The following THSD7B variants were observed in gnomAD, a reference collection of about 807,000 sequenced individuals.
The protein encoded by THSD7B is thrombospondin type 1 domain containing 7B.
THSD7B carries 138 observed loss-of-function variants against 213.6 expected under a neutral mutation model. The ratio of observed to expected loss-of-function variants is 0.65; its 90% CI spans 0.56 to 0.74. The LOEUF is 0.74. Ranked by LOEUF, THSD7B falls within the 30% of genes least tolerant of loss-of-function variation. The probability of loss-of-function intolerance (pLI) is 0.00; values close to 1 mark genes in which losing one functional copy is unlikely to be tolerated. For missense variants in THSD7B, 1,931 were observed against 1,991.5 expected (o/e 0.97, Z 0.58); for synonymous variants, 742 against 687.0 (o/e 1.08, Z -1.25).
chr2:137,148,347 A>G (rs1679748010), intron 5 of THSD7B, among the ~76,000 whole-genome samples: 2 of 152,138 alleles, frequency 1.3e-5, no homozygotes, highest in South Asian at 2.1e-4. Flanking sequence ...GTATTTCTTC[A>G]TAGCAGCATG....
chr2:137,089,278 A>ATATACATATATATGTGTGTGTATG lies in THSD7B; in HGVS notation c.951-5594_951-5593insATACATATATATGTGTGTGTATGT, dbSNP rs1558916485. Among the ~76,000 whole-genome samples, 564 of 147,100 alleles carry ATATACATATATATGTGTGTGTATG rather than the reference A, an allele frequency of 3.8e-3. 8 individuals are homozygous for ATATACATATATATGTGTGTGTATG. Among genetic ancestry groups the ATATACATATATATGTGTGTGTATG allele is most frequent in the African/African-American group, 0.013 (528 of 39,300 alleles). ...TGTGTGTGTGTGTGTGTGTGTGTAT[A>ATATACATATATATGTGTGTGTATG]TGTATATATACATATATATGTGTGT... On this transcript the variant is annotated intron_variant, in intron 3 of 27. Transcript: ENST00000409968.
At chr2:137,146,696 A>T (rs1453002294) in intron 5 of THSD7B, among the ~76,000 whole-genome samples, 2 of 152,174 alleles carry the variant, frequency 1.3e-5, no homozygotes, top group East Asian at 3.9e-4. Flanking sequence ...CTTATTATAC[A>T]TAAAGCACAA....
intron 2 of THSD7B, among the ~76,000 whole-genome samples, chr2:137,045,048 T>C (rs1054457543): frequency 6.6e-6 from 1 of 152,216 alleles, no homozygotes; most frequent in Non-Finnish European, 1.5e-5. Flanking sequence ...TCAGTACTTA[T>C]GTACTGTGGC....
chr2:137,662,062 CTTTTTT>C (rs778872364), intron 25 of THSD7B, among the ~76,000 whole-genome samples: 1 of 132,658 alleles, frequency 7.5e-6, no homozygotes, highest in Admixed American at 7.9e-5. Context: ...TTTCTTTTTT[CTTTTTT>C]TTTTTTTTTT....
chr2:136,850,288 G>T (rs887141138), intron 1 of THSD7B, among the ~76,000 whole-genome samples: 1 of 110,522 alleles, frequency 9.0e-6, no homozygotes, highest in Non-Finnish European at 1.8e-5. Flanking sequence ...TTTTCTGAAT[G>T]GTTTTTTAGG....
At chr2:137,222,729 A>G (rs1274285431) in intron 7 of THSD7B, among the ~76,000 whole-genome samples, 2 of 152,200 alleles carry the variant, frequency 1.3e-5, no homozygotes. Context: ...GAAAGTCGGT[A>G]ATTCATGTGC....
intron 1 of THSD7B, among the ~76,000 whole-genome samples, chr2:136,789,309 C>T (rs1437726478): frequency 1.3e-5 from 2 of 151,828 alleles, no homozygotes; most frequent in Admixed American, 6.6e-5. Flanking sequence ...CTGATGATCA[C>T]TACTTAGTTT....
intron 1 of THSD7B, among the ~76,000 whole-genome samples, chr2:136,825,982 A>T (rs1682641482): frequency 1.3e-5 from 2 of 152,148 alleles, no homozygotes; most frequent in Admixed American, 6.5e-5. Flanking sequence ...GCAATGCAAG[A>T]TAACATATTC....
At chr2:136,973,783 A>G (rs902884424) in intron 2 of THSD7B, among the ~76,000 whole-genome samples, 1 of 152,312 alleles carries the variant, frequency 6.6e-6, no homozygotes. Context: ...TATTTAGGGT[A>G]ATATTTTTGA....
intron 1 of THSD7B, among the ~76,000 whole-genome samples, chr2:136,854,148 A>T (rs1683140217): frequency 6.6e-6 from 1 of 152,090 alleles, no homozygotes; most frequent in African/African-American, 2.4e-5. Context: ...GTGAAATGTC[A>T]TTGCTTCTAG....
intron 6 of THSD7B, among the ~76,000 whole-genome samples, chr2:137,163,215 G>A (rs928421638): frequency 6.6e-6 from 1 of 152,008 alleles, no homozygotes; most frequent in African/African-American, 2.4e-5. Flanking sequence ...ATATACCCTG[G>A]TCCATCATTC....
At chr2:137,048,238 T>G (rs930083128) in intron 2 of THSD7B, among the ~76,000 whole-genome samples, 1 of 152,192 alleles carries the variant, frequency 6.6e-6, no homozygotes, top group African/African-American at 2.4e-5. Flanking sequence ...AACTACTCAG[T>G]TACAATGTTA....
chr2:137,622,466 A>C (rs905602891), intron 20 of THSD7B, among the ~76,000 whole-genome samples: 2 of 152,226 alleles, frequency 1.3e-5, no homozygotes, highest in Non-Finnish European at 2.9e-5. Flanking sequence ...GGCAAAAAAT[A>C]ACTAAGATCA....
intron 15 of THSD7B, among the ~76,000 whole-genome samples, chr2:137,514,186 G>A (rs1680023894): frequency 6.6e-6 from 1 of 152,154 alleles, no homozygotes; most frequent in Non-Finnish European, 1.5e-5. Flanking sequence ...ATTGAAAGAT[G>A]CAAACTACTG....
At chr2:136,985,075 G>A (rs1573749794) in intron 2 of THSD7B, among the ~76,000 whole-genome samples, 1 of 152,298 alleles carries the variant, frequency 6.6e-6, no homozygotes, top group East Asian at 1.9e-4. Flanking sequence ...AGATGTGGGA[G>A]CAAAATAAAG....
At chr2:137,003,407 A>T (rs1388209897) in intron 2 of THSD7B, among the ~76,000 whole-genome samples, 3 of 152,324 alleles carry the variant, frequency 2.0e-5, no homozygotes, top group African/African-American at 7.2e-5. Flanking sequence ...GAAAGTAGAG[A>T]TAGGATTATG....
chr2:137,525,467 T>A (rs1680261553), intron 15 of THSD7B, among the ~76,000 whole-genome samples: 1 of 152,164 alleles, frequency 6.6e-6, no homozygotes, highest in Non-Finnish European at 1.5e-5. Flanking sequence ...TTACTTATAC[T>A]TATTTATCCA....
intron 17 of THSD7B, among the ~76,000 whole-genome samples, chr2:137,575,206 T>C (rs969389855): frequency 1.3e-5 from 2 of 151,994 alleles, no homozygotes; most frequent in Admixed American, 6.6e-5. Flanking sequence ...AAAAATTAGA[T>C]ATAATATGTA....
At chr2:136,842,179 A>G (rs1014013288) in intron 1 of THSD7B, among the ~76,000 whole-genome samples, 1 of 152,208 alleles carries the variant, frequency 6.6e-6, no homozygotes, top group African/African-American at 2.4e-5. Flanking sequence ...TTTCATCTGA[A>G]TGATTTCTGT....
Sources: allele counts gnomAD v4.1 joint callset (sites outside exome capture counted in the v4.1 genomes callset), GRCh38; gene constraint gnomAD v4.1.1; transcripts MANE v1.5; gene names NCBI Gene and HGNC (gene_info 2026-07-23, HGNC 2026-07-21).